Variants in FHIT observed in about 807,000 individuals in gnomAD.
FHIT encodes the protein fragile histidine triad diadenosine triphosphatase, also known as bis(5'-adenosyl)-triphosphatase.
In FHIT, 19 loss-of-function variants were observed where a neutral mutation model predicts 17.9. That is an observed-to-expected ratio of 1.06 (90% confidence interval 0.74 to 1.56). FHIT has a LOEUF of 1.56. Ranked by LOEUF, FHIT falls within the 40% of genes most tolerant of loss-of-function variation. The probability of loss-of-function intolerance (pLI) is 0.00; values close to 1 mark genes in which losing one functional copy is unlikely to be tolerated. For missense variants in FHIT, 248 were observed against 189.2 expected (o/e 1.31, Z -1.82); for synonymous variants, 81 against 69.7 (o/e 1.16, Z -0.81).
chr3:59,968,266 A>C (rs1051785264), intron 7 of FHIT, among the ~76,000 whole-genome samples: 2 of 152,068 alleles, frequency 1.3e-5, no homozygotes, highest in Non-Finnish European at 2.9e-5. Flanking sequence ...CAGGTGATGA[A>C]ATCATACAGT....
chr3:60,860,750 CAGG>C lies in FHIT; in HGVS notation c.-110-38742_-110-38740del, dbSNP rs1559780188. ...TATATGTACATATGTTCATATATAT[CAGG>C]TATATATGATACATATGTATCATAT... On this transcript the variant is annotated intron_variant, in intron 3 of 9. Transcript: ENST00000492590. Among the ~76,000 whole-genome samples, 6 of 22,680 alleles carry C rather than the reference CAGG, an allele frequency of 2.6e-4. 2 individuals are homozygous for C. Among genetic ancestry groups the C allele is most frequent in the African/African-American group, 7.1e-4 (6 of 8,482 alleles). The allele number at this position is 22,680 out of a possible 152,430, so 14.9% of individuals were successfully genotyped here. A position where few individuals can be genotyped will look rare whatever the true frequency, so the allele number is the denominator to read the frequency against.
rs28715912 is a variant in FHIT at position 60,860,153 on chromosome 3, T to G, written c.-110-38142A>C. Among the ~76,000 whole-genome samples the G allele has an allele frequency of 1.5e-4, 10 of 66,276 alleles. 1 individual carries two copies. The South Asian group carries it at 3.1e-3, about 21-fold the overall frequency. The allele number at this position is 66,276 out of a possible 152,430, so 43.5% of individuals were successfully genotyped here. A position where few individuals can be genotyped will look rare whatever the true frequency, so the allele number is the denominator to read the frequency against. ...ATCTGATATATATACATATGGTATA[T>G]ATGATATACATCATATGTATATATG... On this transcript the variant is annotated intron_variant, in intron 3 of 9. Transcript: ENST00000492590.
chr3:59,782,841 C>G (rs1170114524), intron 8 of FHIT, among the ~76,000 whole-genome samples: 2 of 152,046 alleles, frequency 1.3e-5, no homozygotes, highest in African/African-American at 4.8e-5. Flanking sequence ...TCATCACTAC[C>G]ATCTTCTAAA....
At chr3:61,144,223 A>T (rs997343741) in intron 2 of FHIT, among the ~76,000 whole-genome samples, 2 of 152,204 alleles carry the variant, frequency 1.3e-5, no homozygotes, top group African/African-American at 4.8e-5. Flanking sequence ...CTGCAGCCCT[A>T]TTAATCCACT....
At chr3:60,701,195 C>A (rs1428902683) in intron 4 of FHIT, among the ~76,000 whole-genome samples, 3 of 149,520 alleles carry the variant, frequency 2.0e-5, no homozygotes, top group African/African-American at 7.4e-5. Context: ...GTGACCTCGG[C>A]TCACTGCAGC....
At chr3:60,514,158 A>T (rs2035056924) in intron 5 of FHIT, among the ~76,000 whole-genome samples, 1 of 152,248 alleles carries the variant, frequency 6.6e-6, no homozygotes, top group Admixed American at 6.5e-5. Context: ...CCTGGATGCC[A>T]GACAAGAATT....
At chr3:61,228,097 G>C (rs2040014002) in intron 1 of FHIT, among the ~76,000 whole-genome samples, 1 of 151,964 alleles carries the variant, frequency 6.6e-6, no homozygotes, top group Non-Finnish European at 1.5e-5. Flanking sequence ...TGGGTGAAAG[G>C]TGGCAGAATA....
intron 5 of FHIT, among the ~76,000 whole-genome samples, chr3:60,067,820 G>C (rs186957325): frequency 6.6e-6 from 1 of 152,262 alleles, no homozygotes; most frequent in African/African-American, 2.4e-5. Context: ...CGTTCTTGTC[G>C]CTGCCTAACA....
intron 3 of FHIT, among the ~76,000 whole-genome samples, chr3:60,891,428 T>C (rs986931071): frequency 6.6e-6 from 1 of 152,038 alleles, no homozygotes; most frequent in Non-Finnish European, 1.5e-5. Context: ...ACCAATACTA[T>C]TGGAAATGAG....
chr3:60,458,259 A>AT (rs1183195554), intron 5 of FHIT, among the ~76,000 whole-genome samples: 2 of 152,198 alleles, frequency 1.3e-5, no homozygotes, highest in African/African-American at 4.8e-5. Context: ...AGCCATAAAA[A>AT]TGATGAGTTC....
chr3:59,972,504 C>T (rs1337813368), intron 7 of FHIT, among the ~76,000 whole-genome samples: 4 of 152,078 alleles, frequency 2.6e-5, no homozygotes, highest in Non-Finnish European at 4.4e-5. Flanking sequence ...AAGCCTCCAG[C>T]CTAAACCTCT....
At chr3:60,467,551 A>T (rs977954610) in intron 5 of FHIT, among the ~76,000 whole-genome samples, 1 of 151,990 alleles carries the variant, frequency 6.6e-6, no homozygotes, top group African/African-American at 2.4e-5. Flanking sequence ...ATATATTTTT[A>T]AAATTTTCTT....
intron 5 of FHIT, among the ~76,000 whole-genome samples, chr3:60,391,802 G>A (rs150847835): frequency 8.1e-4 from 124 of 152,234 alleles, no homozygotes; most frequent in Middle Eastern, 6.8e-3. Flanking sequence ...TCAAGCGATG[G>A]ATGACTGTAT....
chr3:60,211,647 G>A (rs1003565422), intron 5 of FHIT, among the ~76,000 whole-genome samples: 15 of 152,128 alleles, frequency 9.9e-5, no homozygotes, highest in African/African-American at 2.2e-4. Flanking sequence ...GACTGGTATC[G>A]ATATTCTGAG....
chr3:60,357,904 A>T (rs1346595987), intron 5 of FHIT, among the ~76,000 whole-genome samples: 2 of 152,206 alleles, frequency 1.3e-5, no homozygotes, highest in Non-Finnish European at 2.9e-5. Context: ...CAGAGGTGAG[A>T]ACTGACCTTC....
chr3:61,076,795 T>C (rs2034986408), intron 2 of FHIT, among the ~76,000 whole-genome samples: 2 of 152,170 alleles, frequency 1.3e-5, no homozygotes, highest in Admixed American at 6.6e-5. Flanking sequence ...CTTGCAACAA[T>C]GTGACTCCAA....
Position 59,802,980 on chromosome 3 carries a change from G to A in FHIT, c.349-50659C>T, listed in dbSNP as rs143087246. On this transcript the variant is annotated intron_variant, in intron 8 of 9. Coordinates refer to ENST00000492590, the MANE Select transcript of FHIT (RefSeq NM_002012.4). ...TACATCTTACCTATTCTACTTGACT[G>A]ACTGCATCCCCCTGAAGACACGTGT... Among the ~76,000 whole-genome samples, 1,463 of 152,240 alleles carry A rather than the reference G, an allele frequency of 9.6e-3. 8 individuals carry two copies. Among genetic ancestry groups the A allele is most frequent in the South Asian group, 0.023 (112 of 4,816 alleles).
At chr3:60,933,112 A>T (rs1486347180) in intron 3 of FHIT, among the ~76,000 whole-genome samples, 1 of 152,258 alleles carries the variant, frequency 6.6e-6, no homozygotes, top group Non-Finnish European at 1.5e-5. Context: ...ATAATACCAT[A>T]ACTTATATTT....
intron 3 of FHIT, among the ~76,000 whole-genome samples, chr3:61,011,196 T>G (rs2031769105): frequency 6.6e-6 from 1 of 152,222 alleles, no homozygotes; most frequent in African/African-American, 2.4e-5. Flanking sequence ...CCTTTATAAC[T>G]GTGGTTGTGG....
Sources: gnomAD v4.1 joint callset for allele counts (sites outside exome capture counted in the v4.1 genomes callset) on GRCh38, gnomAD v4.1.1 for gene constraint, MANE v1.5 for transcripts, NCBI Gene and HGNC (gene_info 2026-07-23, HGNC 2026-07-21) for gene names.